SH3GL3: variants seen among roughly 807,000 people sequenced by gnomAD.
SH3GL3 encodes the protein SH3 domain containing GRB2 like 3, endophilin A3.
In SH3GL3, 33 loss-of-function variants were observed where a neutral mutation model predicts 47.7. The observed-to-expected ratio is 0.69, with a 90% confidence interval of 0.52 to 0.92. The LOEUF is 0.92. Among genes scored for constraint, SH3GL3 ranks in the 40% least tolerant of loss-of-function variants. The pLI, the probability that SH3GL3 is intolerant of heterozygous loss-of-function variation, is 0.00. For synonymous variants in SH3GL3, 155 were observed against 148.8 expected (o/e 1.04, Z -0.30); for missense variants, 363 against 417.8 (o/e 0.87, Z 1.14).
intron 1 of SH3GL3, among the ~76,000 whole-genome samples, chr15:83,519,150 G>T (rs1430377896): frequency 6.6e-6 from 1 of 152,058 alleles, no homozygotes; most frequent in Non-Finnish European, 1.5e-5. Context: ...TTGGCTATTT[G>T]GGCACTTTTT....
intron 1 of SH3GL3, among the ~76,000 whole-genome samples, chr15:83,527,395 C>T (rs890461016): frequency 2.0e-5 from 3 of 152,000 alleles, no homozygotes; most frequent in East Asian, 3.9e-4. Flanking sequence ...CTGGGTGCTT[C>T]GGTTTTGGTG....
intron 1 of SH3GL3, among the ~76,000 whole-genome samples, chr15:83,536,405 CT>C (rs386383625): frequency 4.9e-4 from 56 of 113,690 alleles, no homozygotes; most frequent in African/African-American, 6.3e-4. Flanking sequence ...CTTTTCTTTT[CT>C]TTTTTTTTTT....
intron 1 of SH3GL3, among the ~76,000 whole-genome samples, chr15:83,481,114 G>A (rs1487670284): frequency 1.3e-5 from 2 of 151,886 alleles, no homozygotes; most frequent in Non-Finnish European, 2.9e-5. Context: ...CCTCTCTACT[G>A]AAAATACAAA....
chr15:83,588,329 C>T (rs1050411719), intron 7 of SH3GL3, among the ~76,000 whole-genome samples: 3 of 152,114 alleles, frequency 2.0e-5, no homozygotes, highest in African/African-American at 7.2e-5. Flanking sequence ...TGGGGTTTCA[C>T]CATGTTGGCC....
intron 1 of SH3GL3, among the ~76,000 whole-genome samples, chr15:83,509,715 C>T (rs939317589): frequency 3.3e-5 from 5 of 152,068 alleles, no homozygotes; most frequent in Non-Finnish European, 5.9e-5. Context: ...ATTTTTATGA[C>T]GCCTCCCTAA....
chr15:83,565,357 G>A, intron 3 of SH3GL3, 151 bp downstream of exon 3: 1 of 637,918 alleles, frequency 1.6e-6, no homozygotes, highest in Non-Finnish European at 2.8e-6. Context: ...AGTGACCAAA[G>A]GTAGTTGCAT....
chr15:83,620,503 A>G (rs1258352632), downstream of SH3GL3, among the ~76,000 whole-genome samples: 1 of 152,238 alleles, frequency 6.6e-6, no homozygotes, highest in Non-Finnish European at 1.5e-5. Context: ...CTCCTTGCAT[A>G]TCTCTATCAG....
At chr15:83,619,073 A>C (rs2060897631), downstream of SH3GL3, among the ~76,000 whole-genome samples, 1 of 152,222 alleles carries the variant, frequency 6.6e-6, no homozygotes, top group African/African-American at 2.4e-5. Context: ...AGTCCCCAAT[A>C]ACATCCTCTT....
At chr15:83,546,325 G>A (rs1043096659) in intron 1 of SH3GL3, among the ~76,000 whole-genome samples, 2 of 151,694 alleles carry the variant, frequency 1.3e-5, no homozygotes, top group Non-Finnish European at 2.9e-5. Context: ...CAGGCCCATG[G>A]CAACTATAGC....
In SH3GL3 at chr15:83,448,442, A is replaced by ATGTGTGTG. The variant is rs71156081; in HGVS notation, c.45+896_45+903dup. On this transcript the variant is annotated intron_variant, in intron 1 of 8. Transcript: ENST00000427482. This position sits in a 1 kb window ranked among gnomAD's most constrained non-coding sequence, Gnocchi z 4.2. ...AAACAGGAGGGGAGACATGAAATTGATGTGTGTGTGTGTGTGTGTGTGTGT... is the reference window on the plus strand; with the variant it reads ...AAACAGGAGGGGAGACATGAAATTGATGTGTGTGTGTGTGTGTGTGTGTGTGTGTGTGT... 0.057 allele frequency among the ~76,000 whole-genome samples: 8,058 copies of ATGTGTGTG among 140,638 alleles called. 299 individuals carry two copies. The highest frequency in any genetic ancestry group is 0.088 in the African/African-American group (3,216 of 36,364). 92.3% of individuals were successfully genotyped at this position (140,638 alleles called of 152,430 possible).
intron 6 of SH3GL3, among the ~76,000 whole-genome samples, chr15:83,578,734 G>A (rs1207544877): frequency 4.6e-5 from 7 of 151,090 alleles, no homozygotes; most frequent in Admixed American, 2.6e-4. Flanking sequence ...TTCTTTAAAT[G>A]TATAAATTTC....
chr15:83,529,934 C>T (rs2043595041), intron 1 of SH3GL3, among the ~76,000 whole-genome samples: 1 of 152,152 alleles, frequency 6.6e-6, no homozygotes, highest in South Asian at 2.1e-4. Context: ...CCCCTTGTTT[C>T]AGCAGCACAG....
At chr15:83,499,842 A>AGTAG (rs1323663156) in intron 1 of SH3GL3, among the ~76,000 whole-genome samples, 2 of 152,264 alleles carry the variant, frequency 1.3e-5, no homozygotes, top group Admixed American at 6.5e-5. Flanking sequence ...ACAATTACAC[A>AGTAG]GTAGGGCCTG....
At chr15:83,576,921 A>ATTTTTTTTTTTTTC (rs2059697948) in intron 6 of SH3GL3, among the ~76,000 whole-genome samples, 180 bp downstream of exon 6, 1 of 86,564 alleles carries the variant, frequency 1.2e-5, no homozygotes. Context: ...AAAAATCATA[A>ATTTTTTTTTTTTTC]TTTTTTTTTT....
At chr15:83,625,091 T>G in the SH3GL3 span, among the ~76,000 whole-genome samples, 2 of 152,036 alleles carry the variant, frequency 1.3e-5, no homozygotes, top group African/African-American at 4.8e-5. Context: ...AAACCCCATC[T>G]CTACTAAAAA....
intron 6 of SH3GL3, among the ~76,000 whole-genome samples, chr15:83,579,235 C>T (rs776559673): frequency 9.9e-5 from 15 of 152,236 alleles, no homozygotes; most frequent in South Asian, 6.2e-4. Flanking sequence ...GCCCAAGCTC[C>T]GCAGGGGCTC....
At chr15:83,578,098 G>T (rs1226400181) in intron 6 of SH3GL3, among the ~76,000 whole-genome samples, 1 of 152,166 alleles carries the variant, frequency 6.6e-6, no homozygotes, top group African/African-American at 2.4e-5. Context: ...TTGTACTGTG[G>T]TTCCTGCCAT....
chr15:83,596,615 C>T (rs987097197), intron 8 of SH3GL3, among the ~76,000 whole-genome samples: 4 of 152,106 alleles, frequency 2.6e-5, no homozygotes, highest in South Asian at 2.1e-4. Flanking sequence ...TTTTAAAACA[C>T]GGAAAGTGTG....
chr15:83,494,094 G>C (rs2041986692), intron 1 of SH3GL3, among the ~76,000 whole-genome samples: 1 of 152,186 alleles, frequency 6.6e-6, no homozygotes, highest in South Asian at 2.1e-4. Context: ...AGGGAAGCTG[G>C]GATATAATCA....
Sources: gnomAD v4.1 joint callset for allele counts (sites outside exome capture counted in the v4.1 genomes callset) on GRCh38, gnomAD v4.1.1 for gene constraint, Gnocchi (gnomAD v3.1) non-coding constraint, MANE v1.5 for transcripts, NCBI Gene and HGNC (gene_info 2026-07-23, HGNC 2026-07-21) for gene names.